INSR: variants seen among roughly 807,000 people sequenced by gnomAD.
INSR encodes the protein insulin receptor, also known as IR.
In INSR, 67 loss-of-function variants were observed where a neutral mutation model predicts 142.6. The observed-to-expected ratio is 0.47, with a 90% CI of 0.39 to 0.58. The LOEUF is 0.58. Among genes scored for constraint, INSR ranks in the 20% least tolerant of loss-of-function variants. The probability of loss-of-function intolerance (pLI) is 0.00; values close to 1 mark genes in which losing one functional copy is unlikely to be tolerated. For missense variants in INSR, 1,248 were observed against 1,833.2 expected (o/e 0.68, Z 5.83); for synonymous variants, 756 against 743.1 (o/e 1.02, Z -0.28).
intron 2 of INSR, among the ~76,000 whole-genome samples, chr19:7,202,136 A>G (rs1231765947): frequency 6.6e-6 from 1 of 152,178 alleles, no homozygotes; most frequent in Non-Finnish European, 1.5e-5. Context: ...ATGGCCCCTA[A>G]GCAGTGGAAA....
rs866464409 is a variant in INSR at position 7,152,993 on chromosome 19, A to C, written c.2030-66T>G. ...GCTGAACACACATACACACACACACACACCCCACACACACACACACCACAC... is the reference window on the plus strand; with the variant it reads ...GCTGAACACACATACACACACACACCCACCCCACACACACACACACCACAC... On this transcript the variant is annotated intron_variant, in intron 9 of 21. Coordinates refer to ENST00000302850, the MANE Select transcript of INSR (RefSeq NM_000208.4). The C allele has an allele frequency of 7.6e-3, 5,208 of 688,166 alleles. 121 individuals carry two copies. Among genetic ancestry groups the C allele is most frequent in the African/African-American group, 0.051 (2,402 of 46,724 alleles). The allele number at this position is 688,166 out of a possible 1,614,324, so 42.6% of individuals were successfully genotyped here. A position where few individuals can be genotyped will look rare whatever the true frequency, so the allele number is the denominator to read the frequency against.
chr19:7,286,385 TTTA>T (rs1304798450), intron 1 of INSR, among the ~76,000 whole-genome samples: 1 of 151,910 alleles, frequency 6.6e-6, no homozygotes, highest in Non-Finnish European at 1.5e-5. Context: ...AAGATTTTTT[TTTA>T]TTATTTCTTT....
chr19:7,239,301 C>A (rs372308849), intron 2 of INSR, among the ~76,000 whole-genome samples: 1 of 151,602 alleles, frequency 6.6e-6, no homozygotes, highest in Non-Finnish European at 1.5e-5. Flanking sequence ...CCAGCCCCCC[C>A]ACCCCAAAAC....
At chr19:7,134,518 G>A (rs892293643) in intron 13 of INSR, among the ~76,000 whole-genome samples, 3 of 151,756 alleles carry the variant, frequency 2.0e-5, no homozygotes, top group Non-Finnish European at 4.4e-5. Context: ...TGTAATTCCA[G>A]CACTTTCAGG....
rs551853926 is a variant in INSR, at chr19:7,117,161, C to A, written c.4044G>T (p.Ser1348=). 1.2e-6 allele frequency: 2 copies of A among 1,614,084 alleles called. No homozygotes were observed. Among genetic ancestry groups the A allele is most frequent in the South Asian group, 1.1e-5 (1 of 91,078 alleles). Residue 1348 remains serine (S), a synonymous_variant, in exon 22 of 22, where the codon TCG becomes TCT. Transcript: ENST00000302850. The part of the protein sequence containing the change: ...EEAGGRDGGS[S]LGFKRSYEEH... ...CCTCGTAGCTCCGCTTGAAACCCAG[C>A]GAGGACCCTCCATCCCGGCCCCCCG...
At chr19:7,271,160 A>T (rs1967915873) in intron 1 of INSR, among the ~76,000 whole-genome samples, 3 of 152,172 alleles carry the variant, frequency 2.0e-5, no homozygotes, top group Admixed American at 2.0e-4. Context: ...CCCCACTAGG[A>T]TAGCTAAAAC....
intron 2 of INSR, among the ~76,000 whole-genome samples, chr19:7,210,472 T>C (rs535239657): frequency 2.8e-4 from 42 of 152,062 alleles, no homozygotes; most frequent in Admixed American, 7.2e-4. Context: ...AAAATATGGG[T>C]TCTGGAGTCT....
intron 14 of INSR, among the ~76,000 whole-genome samples, chr19:7,130,790 T>A (rs1972757919): frequency 6.6e-6 from 1 of 151,612 alleles, no homozygotes; most frequent in Non-Finnish European, 1.5e-5. Context: ...TCTCTTCTCT[T>A]CTTTCTTTTT....
intron 2 of INSR, among the ~76,000 whole-genome samples, chr19:7,214,922 C>T (rs1474080964): frequency 6.7e-6 from 1 of 149,450 alleles, no homozygotes; most frequent in African/African-American, 2.5e-5. Flanking sequence ...TCCTTCCCCT[C>T]TCCCTCCCTC....
intron 1 of INSR, among the ~76,000 whole-genome samples, chr19:7,280,756 T>G (rs1968185347): frequency 6.7e-6 from 1 of 148,636 alleles, no homozygotes; most frequent in African/African-American, 2.5e-5. Context: ...AGTCAGGTAT[T>G]GTGGTGCACA....
intron 2 of INSR, among the ~76,000 whole-genome samples, chr19:7,256,912 G>A (rs1054632921): frequency 2.8e-5 from 4 of 141,348 alleles, no homozygotes; most frequent in Non-Finnish European, 4.6e-5. Context: ...CATCATTCAC[G>A]TTACATGCTC....
chr19:7,211,614 C>T (rs1462653063), intron 2 of INSR, among the ~76,000 whole-genome samples: 1 of 152,078 alleles, frequency 6.6e-6, no homozygotes, highest in East Asian at 1.9e-4. Context: ...CATCAATGAC[C>T]CCTCAGGAAC....
At chr19:7,182,915 A>AAG (rs1974312388) in intron 3 of INSR, among the ~76,000 whole-genome samples, 1 of 151,908 alleles carries the variant, frequency 6.6e-6, no homozygotes, top group East Asian at 1.9e-4. Flanking sequence ...GGCCAAAAAA[A>AAG]AAAAAAAAAA....
chr19:7,199,967 C>G (rs1035940), intron 2 of INSR, among the ~76,000 whole-genome samples: 113,708 of 151,924 alleles, frequency 0.75, 42,807 homozygotes, highest in African/African-American at 0.8. Context: ...GGTGACTGTC[C>G]CTTTATCACA....
intron 1 of INSR, among the ~76,000 whole-genome samples, chr19:7,287,598 C>T (rs1168829302): frequency 6.6e-6 from 1 of 152,164 alleles, no homozygotes; most frequent in Non-Finnish European, 1.5e-5. Flanking sequence ...GCCAATATAG[C>T]TGTTTAAATA....
rs151250223 is a variant in INSR at position 7,174,203 on chromosome 19, G to A, written c.1123+380C>T. 5.4e-3 allele frequency among the ~76,000 whole-genome samples: 815 copies of A among 151,948 alleles called. 5 individuals are homozygous for A. Among genetic ancestry groups the A allele is most frequent in the African/African-American group, 0.016 (654 of 41,482 alleles). On this transcript the variant is annotated intron_variant, in intron 4 of 21. Coordinates refer to ENST00000302850, the MANE Select transcript of INSR (RefSeq NM_000208.4). ...GCTACTTGGGAGGCTGAGGTAGGAG[G>A]ACTGCATGAGCCCAAGAGTTTGAGG...
chr19:7,163,279 C>T lies in INSR; in HGVS notation c.1862-80G>A, dbSNP rs1334984391. ...TGGTGGGAGGATGGCGGGGGACACA[C>T]AAGTTAAAGACATCATGAGGGCACC... On this transcript the variant is annotated intron_variant, in intron 8 of 21. Transcript: ENST00000302850. 6 of 1,395,236 alleles carry T rather than the reference C, an allele frequency of 4.3e-6. No individual in the cohort carries two copies. The South Asian group carries it at 5.9e-5, about 14-fold the overall frequency. 86.4% of individuals were successfully genotyped at this position (1,395,236 alleles called of 1,614,324 possible).
chr19:7,256,201 G>A (rs1449302943), intron 2 of INSR, among the ~76,000 whole-genome samples: 3 of 152,134 alleles, frequency 2.0e-5, no homozygotes, highest in African/African-American at 7.2e-5. Flanking sequence ...GCTTTGGGAG[G>A]CCAAAGTGGG....
At chr19:7,152,560 C>T (rs1423638781) in intron 10 of INSR, 166 bp downstream of exon 10, 1 of 713,232 alleles carries the variant, frequency 1.4e-6, no homozygotes, top group South Asian at 1.5e-5. Flanking sequence ...CTCGAAATTT[C>T]GAAACTGCAA....
Sources: gnomAD v4.1 joint callset for allele counts (sites outside exome capture counted in the v4.1 genomes callset) on GRCh38, gnomAD v4.1.1 for gene constraint, MANE v1.5 for transcripts, NCBI Gene and HGNC (gene_info 2026-07-23, HGNC 2026-07-21) for gene names.